The following RENBP variants were observed in gnomAD, a reference collection of about 807,000 sequenced individuals.
The protein encoded by RENBP is renin binding protein.
RENBP carries 16 observed loss-of-function variants against 37.8 expected under a neutral mutation model. That is an observed-to-expected ratio of 0.42 (90% CI 0.29 to 0.64). The LOEUF (loss-of-function observed/expected upper bound fraction) is 0.64. RENBP is among the 30% of genes least tolerant of loss of function. RENBP has a pLI of 0.19. For synonymous variants in RENBP, 170 were observed against 154.8 expected, an observed-to-expected ratio of 1.10 and a Z score of -0.73; for missense variants, 347 against 379.5, an observed-to-expected ratio of 0.91 and a Z score of 0.71.
intron 9 of RENBP, among the ~76,000 whole-genome samples, chrX:153,938,797 T>TTTG (rs1425017797): frequency 4.7e-5 from 4 of 84,316 alleles, no homozygotes; most frequent in African/African-American, 2.3e-4. Context: ...TTTTTTTTTG[T>TTTG]TTTTTTTTTT....
chrX:153,940,007 C>G, intron 9 of RENBP, 95 bp downstream of exon 9: 1 of 1,044,742 alleles, frequency 9.6e-7, no homozygotes, highest in Non-Finnish European at 1.3e-6. Flanking sequence ...ACCAGCTGAG[C>G]GACTGTGCTC....
chrX:153,941,573 C>T lies in RENBP; in HGVS notation c.850G>A (p.Asp284Asn). 1 of 1,209,934 alleles carries T rather than the reference C, an allele frequency of 8.3e-7. No homozygotes were observed. Among genetic ancestry groups the T allele is most frequent in the Non-Finnish European group, 1.1e-6 (1 of 894,861 alleles). The part of the protein sequence containing the change: ...GDPELRAHVI[D>N]KFLLLPFHSG... ...TGGAAGGGCAACAATAGGAACTTGT[C>T]AATCACGTGGGCTCGAAGTTCGGGG... Residue 284 changes from aspartate to asparagine, a missense_variant, in exon 8 of 11, where the codon GAC becomes AAC. Asp to Asn is a conservative substitution (Grantham distance 23, BLOSUM62 1). Around this residue, in one of 3 missense-constraint regions of RENBP, gnomAD observed 244 missense variants for 279.4 expected, o/e 0.87. Coordinates refer to ENST00000393700, the MANE Select transcript of RENBP (RefSeq NM_002910.6).
intron 9 of RENBP, among the ~76,000 whole-genome samples, chrX:153,939,052 C>T (rs1369894787): frequency 2.7e-5 from 3 of 109,884 alleles, no homozygotes; most frequent in African/African-American, 9.9e-5. Flanking sequence ...CCTCAGTCTC[C>T]CAAAGTGCTG....
chrX:153,943,463 C>G, intron 5 of RENBP, 83 bp downstream of exon 5: 1 of 998,733 alleles, frequency 1.0e-6, no homozygotes, highest in Non-Finnish European at 1.4e-6. Flanking sequence ...TGGGAGGGGA[C>G]TTGCGTAGTG....
intron 5 of RENBP, 132 bp downstream of exon 5, chrX:153,943,414 G>A: frequency 6.0e-6 from 4 of 669,502 alleles, no homozygotes; most frequent in Non-Finnish European, 2.2e-6. Context: ...GTAGGGGAGC[G>A]TTCAGAGGTG....
At position 153,935,312 on chromosome X, in the gene RENBP, T is replaced by TGGGGGCGGGGGA. The variant is rs782039992; in HGVS notation, c.1246_1257dup (p.Ser416_Pro419dup). 5.9e-5 allele frequency: 43 copies of TGGGGGCGGGGGA among 726,173 alleles called. No homozygotes were observed. Among genetic ancestry groups the TGGGGGCGGGGGA allele is most frequent in the East Asian group, 3.1e-4 (7 of 22,902 alleles). 59.8% of individuals were successfully genotyped at this position (726,173 alleles called of 1,213,427 possible). ...TATTCCGCGCCTCGGCAGGCGGGGGTGGGGGCGGGGGAGGGGGCGGGGGCG... is the reference window on the plus strand; with the variant it reads ...TATTCCGCGCCTCGGCAGGCGGGGGTGGGGGCGGGGGAGGGGGCGGGGGAGGGGGCGGGGGCG... On this transcript the variant is annotated inframe_insertion, in exon 11 of 11. Coordinates refer to ENST00000393700, the MANE Select transcript of RENBP (RefSeq NM_002910.6).
chrX:153,943,905 T>A lies in RENBP; in HGVS notation c.279A>T (p.Ala93=). ...GAAGGGGGCACCTACCTGCTTTTGC[T>A]GCGTCCAGAAGCTGAGCATGGCGGA... ...ERFRHAQLLD[A]AKAGGEFLLR... Residue 93 remains alanine (A), a synonymous_variant, in exon 4 of 11, where the codon GCA becomes GCT. Transcript: ENST00000393700. The A allele has an allele frequency of 8.5e-7, 1 of 1,180,139 alleles. No homozygotes were observed. Among genetic ancestry groups the A allele is most frequent in the East Asian group, 3.2e-5 (1 of 31,659 alleles).
intron 6 of RENBP, chrX:153,942,594 T>G: frequency 2.5e-6 from 1 of 396,247 alleles, no homozygotes; most frequent in Non-Finnish European, 4.4e-6. Context: ...CAGGGGAGGG[T>G]GAAACATTGA....
At chrX:153,936,962 C>A (rs1462520869) in intron 9 of RENBP, 4 of 111,376 alleles carry the variant, frequency 3.6e-5, no homozygotes, top group African/African-American at 1.3e-4. Flanking sequence ...TTTGAGAGGC[C>A]GAGGCGGGAG....
At position 153,942,881 on chromosome X, in the gene RENBP, C is replaced by T. The variant is rs138537129; in HGVS notation, c.661G>A (p.Ala221Thr). ...TGCACGTGCTGCAGAATCCTCCGGG[C>T]GCACCAGTCCCCCAGCTCTGCGTAT... ...GKYAELGDWCARRILQHVQRD... is the reference protein window; with the variant it reads ...GKYAELGDWCTRRILQHVQRD... The change falls in exon 6 of 11, where the codon GCC (alanine) becomes ACC (threonine). Residue 221 changes from alanine (A) to threonine (T), a missense_variant. Ala to Thr is a moderately conservative substitution (Grantham distance 58). Coordinates refer to ENST00000393700, the MANE Select transcript of RENBP (RefSeq NM_002910.6). The T allele has an allele frequency of 1.9e-4, 233 of 1,208,336 alleles. 1 individual carries two copies. The highest frequency in any genetic ancestry group is 1.7e-3 in the African/African-American group (95 of 57,179).
At chrX:153,940,596 C>T (rs1223161918) in intron 8 of RENBP, among the ~76,000 whole-genome samples, 1 of 111,228 alleles carries the variant, frequency 9.0e-6, no homozygotes, top group Non-Finnish European at 1.9e-5. Context: ...CATTCTAAGT[C>T]GCAGGATGAG....
chrX:153,938,747 C>CT (rs1328038799), intron 9 of RENBP, among the ~76,000 whole-genome samples: 3 of 104,730 alleles, frequency 2.9e-5, no homozygotes, highest in Non-Finnish European at 5.8e-5. Flanking sequence ...CCCCATTTCC[C>CT]TTTTTGCCTC....
intron 9 of RENBP, among the ~76,000 whole-genome samples, 192 bp downstream of exon 9, chrX:153,939,910 G>A (rs904899942): frequency 1.8e-5 from 2 of 108,592 alleles, no homozygotes; most frequent in Non-Finnish European, 1.9e-5. Context: ...TGCTCCTCCC[G>A]CCCCCACCAC....
chrX:153,943,546 C>T lies in RENBP; in HGVS notation c.462G>A (p.Gln154=), dbSNP rs1336382578. The part of the protein sequence containing the change: ...LWRATGEVRY[Q]TEAVEMMDQI... ...TCAGGGGCACCCTCCTCTCACACAC[C>T]TGGTACCGCACTTCCCCTGTGGCTC... Residue 154 remains glutamine (Q), a splice_region_variant and synonymous_variant, in exon 5 of 11, where the codon CAG becomes CAA. Transcript: ENST00000393700. 1 of 1,203,721 alleles carries T rather than the reference C, an allele frequency of 8.3e-7. No individual in the cohort carries two copies. Among genetic ancestry groups the T allele is most frequent in the Admixed American group, 2.2e-5 (1 of 45,643 alleles).
At position 153,942,871 on chromosome X, in the gene RENBP, A is replaced by G. The variant is rs782675182; in HGVS notation, c.671T>C (p.Ile224Thr). Residue 224 changes from isoleucine to threonine, a missense_variant, in exon 6 of 11, where the codon ATT (isoleucine) becomes ACT (threonine). Ile to Thr is a moderately conservative substitution (Grantham distance 89). This residue lies in a region of RENBP where 244 missense variants were observed against 279.4 expected (regional missense o/e 0.87). Coordinates refer to ENST00000393700, the MANE Select transcript of RENBP (RefSeq NM_002910.6). ...AELGDWCARR[I>T]LQHVQRDGQA... ...ATCCCCCACCTGCACGTGCTGCAGA[A>G]TCCTCCGGGCGCACCAGTCCCCCAG... The G allele has an allele frequency of 8.3e-6, 10 of 1,209,186 alleles. No individual in the cohort carries two copies. Among genetic ancestry groups the G allele is most frequent in the Non-Finnish European group, 8.9e-6 (8 of 894,010 alleles).
Position 153,940,948 on chromosome X carries a change from T to C in RENBP, c.945+530A>G, listed in dbSNP as rs1366760588. Among the ~76,000 whole-genome samples, 7 of 110,308 alleles carry C rather than the reference T, an allele frequency of 6.3e-5. No individual in the cohort carries two copies. In the Admixed American group the frequency reaches 6.7e-4, roughly 11 times the overall value. ...TGAGGTCGGGAGTTCGAGACCAGCC[T>C]GACCAACATGGAGAAACCCCGTCTC... On this transcript the variant is annotated intron_variant, in intron 8 of 10. Transcript: ENST00000393700.
Position 153,941,950 on chromosome X carries a change from C to CCCGGGG in RENBP, c.768_769insCCCCGG (p.Pro256_Gly257insProArg). On this transcript the variant is annotated inframe_insertion and splice_region_variant, in exon 7 of 11. Transcript: ENST00000393700. ...GCCCCCAGCCCACCCCGCCCCTCAC[C>CCCGGGG]TGGGTTCTGCTGTCTCCCCAGGCAG... 8.8e-7 allele frequency: 1 copy of CCCGGGG among 1,130,628 alleles called. No individual in the cohort carries two copies. The highest frequency in any genetic ancestry group is 1.2e-6 in the Non-Finnish European group (1 of 823,197). The allele number at this position is 1,130,628 out of a possible 1,213,427, so 93.2% of individuals were successfully genotyped here.
chrX:153,937,599 G>A (rs1557108797), intron 9 of RENBP, among the ~76,000 whole-genome samples: 1 of 107,785 alleles, frequency 9.3e-6, no homozygotes, highest in Non-Finnish European at 1.9e-5. Context: ...CCGCCACCAA[G>A]CCCGGCTAAT....
intron 9 of RENBP, 58 bp downstream of exon 9, chrX:153,940,044 C>T: frequency 8.4e-7 from 1 of 1,187,965 alleles, no homozygotes; most frequent in Admixed American, 2.2e-5. Flanking sequence ...CGCAGCCGGG[C>T]CAGACTCCCC....
Sources: gnomAD v4.1 joint callset for allele counts (sites outside exome capture counted in the v4.1 genomes callset) on GRCh38, gnomAD v4.1.1 for gene constraint, gnomAD v4.1.1 regional missense constraint, MANE v1.5 for transcripts, NCBI Gene and HGNC (gene_info 2026-07-23, HGNC 2026-07-21) for gene names.